The following CENPP variants were observed in gnomAD, a reference collection of about 807,000 sequenced individuals.
CENPP encodes the protein centromere protein P.
Under a neutral mutation model 35.6 loss-of-function variants are expected in CENPP, and 24 were observed. The observed-to-expected ratio is 0.67, with a 90% confidence interval of 0.49 to 0.95. The LOEUF (loss-of-function observed/expected upper bound fraction) is 0.95. CENPP is among the 40% of genes least tolerant of loss of function. The pLI, the probability that CENPP is intolerant of heterozygous loss-of-function variation, is 0.00. For synonymous variants in CENPP, 120 were observed against 125.5 expected (o/e 0.96, Z 0.29); for missense variants, 332 against 345.3 (o/e 0.96, Z 0.31).
intron 5 of CENPP, chr9:92,528,019 T>A (rs1848520657): frequency 6.5e-6 from 1 of 152,684 alleles, no homozygotes; most frequent in Non-Finnish European, 1.5e-5. Flanking sequence ...TTCAGACTTT[T>A]GGAGAGTCTG....
At chr9:92,572,728 A>G (rs933070308) in intron 5 of CENPP, among the ~76,000 whole-genome samples, 9 of 152,144 alleles carry the variant, frequency 5.9e-5, no homozygotes, top group Admixed American at 3.9e-4. Context: ...AGGTACACCA[A>G]TCAGATGTAG....
chr9:92,600,573 C>G (rs1850886152), intron 5 of CENPP: 3 of 1,608,900 alleles, frequency 1.9e-6, no homozygotes, highest in Non-Finnish European at 2.5e-6. Flanking sequence ...TGGCACAAGC[C>G]CTTGCGAGGG....
rs1245037376 is a variant in CENPP, at chr9:92,486,799, T to G, written c.564+106940T>G. 2.9e-5 allele frequency among the ~76,000 whole-genome samples: 4 copies of G among 139,408 alleles called. No individual in the cohort carries two copies. The South Asian group carries it at 8.7e-4, about 30-fold the overall frequency. The allele number at this position is 139,408 out of a possible 152,430, so 91.5% of individuals were successfully genotyped here. A position where few individuals can be genotyped will look rare whatever the true frequency, so the allele number is the denominator to read the frequency against. On this transcript the variant is annotated intron_variant, in intron 5 of 7. Transcript: ENST00000375587. Reference sequence around the variant, plus strand: ...ATGTGTCAATTTTTTTTTTTTTTTTTGAGACGGAGTCTTGCTCTGTCACCC... The same window carrying G: ...ATGTGTCAATTTTTTTTTTTTTTTTGGAGACGGAGTCTTGCTCTGTCACCC...
chr9:92,618,181 C>T lies in CENPP; in HGVS notation c.*5032C>T, dbSNP rs1195283886. On this transcript the variant is annotated 3_prime_UTR_variant, in exon 8 of 8. Coordinates refer to ENST00000375587, the MANE Select transcript of CENPP (RefSeq NM_001012267.3). ...CATGTTCTCGGAGGAGAAGCCTTCT[C>T]TGAGATCCTCTCCTTTTGTTGAGAA... 6 of 454,842 alleles carry T rather than the reference C, an allele frequency of 1.3e-5. No individual in the cohort carries two copies. Among genetic ancestry groups the T allele is most frequent in the Non-Finnish European group, 2.7e-5 (6 of 225,872 alleles). The allele number at this position is 454,842 out of a possible 1,614,324, so 28.2% of individuals were successfully genotyped here. A position where few individuals can be genotyped will look rare whatever the true frequency, so the allele number is the denominator to read the frequency against.
intron 5 of CENPP, among the ~76,000 whole-genome samples, chr9:92,387,554 C>G (rs1404211679): frequency 6.6e-6 from 1 of 152,012 alleles, no homozygotes; most frequent in Non-Finnish European, 1.5e-5. Context: ...ACCTTATCTT[C>G]AATATGTATC....
intron 5 of CENPP, among the ~76,000 whole-genome samples, chr9:92,551,615 C>T (rs1474542293): frequency 6.6e-6 from 1 of 151,674 alleles, no homozygotes; most frequent in Non-Finnish European, 1.5e-5. Flanking sequence ...TTTTGGTGTA[C>T]CCATCACCCA....
chr9:92,558,425 A>G (rs2131338405), intron 5 of CENPP, among the ~76,000 whole-genome samples: 2 of 152,272 alleles, frequency 1.3e-5, no homozygotes, highest in Middle Eastern at 6.8e-3. Flanking sequence ...GGGCCTAGCC[A>G]CCCAGTGAGT....
At chr9:92,384,753 T>G (rs1415175600) in intron 5 of CENPP, 1 of 152,112 alleles carries the variant, frequency 6.6e-6, no homozygotes, top group Non-Finnish European at 1.5e-5. Flanking sequence ...TGAACTAATT[T>G]ATTGATGAGA....
At chr9:92,415,072 A>G in intron 5 of CENPP, 2 of 1,070,676 alleles carry the variant, frequency 1.9e-6, no homozygotes, top group Non-Finnish European at 2.7e-6. Flanking sequence ...TATTACTTTG[A>G]GTAATACATG....
chr9:92,361,949 C>T (rs557167443), intron 4 of CENPP, among the ~76,000 whole-genome samples: 5 of 151,910 alleles, frequency 3.3e-5, no homozygotes, highest in Non-Finnish European at 7.4e-5. Flanking sequence ...TCTCCTTGAA[C>T]CTGGGGAGTG....
rs1353817300 is a variant in CENPP at position 92,611,354 on chromosome 9, C to T, written c.605C>T (p.Ser202Phe). Residue 202 changes from serine (S) to phenylalanine (F), a missense_variant, in exon 6 of 8, where the codon TCC becomes TTC. Physicochemically the swap from Ser to Phe is radical, Grantham distance 155. Transcript: ENST00000375587. ...GCCGTGTACCTCTCGGAGGGGCCCT[C>T]CTCCTGCTCCATGGGGATCCGCAGC... The part of the protein sequence containing the change: ...PDAVYLSEGP[S>F]SCSMGIRSAS... The T allele has an allele frequency of 6.8e-6, 11 of 1,613,602 alleles. No homozygotes were observed. Among genetic ancestry groups the T allele is most frequent in the Non-Finnish European group, 9.3e-6 (11 of 1,180,026 alleles).
In CENPP at chr9:92,619,404, C is replaced by A; in HGVS notation, c.*6255C>A. On this transcript the variant is annotated 3_prime_UTR_variant, in exon 8 of 8. Coordinates refer to ENST00000375587, the MANE Select transcript of CENPP (RefSeq NM_001012267.3). ...CATGGAGTCTCTAAATATGGGGAAA[C>A]CAACTATCCTATTAACAATTCACCA... The A allele has an allele frequency of 1.5e-5, 17 of 1,157,264 alleles. No homozygotes were observed. In the South Asian group the frequency reaches 2.2e-4, roughly 15 times the overall value. 71.7% of individuals were successfully genotyped at this position (1,157,264 alleles called of 1,614,324 possible). A position where few individuals can be genotyped will look rare whatever the true frequency, so the allele number is the denominator to read the frequency against.
intron 5 of CENPP, among the ~76,000 whole-genome samples, chr9:92,485,253 G>A (rs960332668): frequency 6.6e-6 from 1 of 152,276 alleles, no homozygotes; most frequent in South Asian, 2.1e-4. Context: ...TCCTAAAGGG[G>A]TCCTATGGAG....
intron 5 of CENPP, among the ~76,000 whole-genome samples, chr9:92,580,646 A>T (rs1404738421): frequency 6.6e-6 from 1 of 152,038 alleles, no homozygotes; most frequent in Non-Finnish European, 1.5e-5. Flanking sequence ...ATCGGTGGTG[A>T]TATCCCCTTT....
At chr9:92,546,504 C>T (rs1849455645) in intron 5 of CENPP, among the ~76,000 whole-genome samples, 1 of 152,174 alleles carries the variant, frequency 6.6e-6, no homozygotes, top group African/African-American at 2.4e-5. Context: ...AAAAGAACAA[C>T]TCCAGACGCA....
chr9:92,417,849 C>G lies in CENPP; in HGVS notation c.564+37990C>G, dbSNP rs988998033. On this transcript the variant is annotated intron_variant, in intron 5 of 7. Coordinates refer to ENST00000375587, the MANE Select transcript of CENPP (RefSeq NM_001012267.3). ...TCAAGCAATTCTCATGCCTCAGCCT[C>G]CCAAGTAGCTGGGACTACAGGTGCA... Among the ~76,000 whole-genome samples, 11 of 152,182 alleles carry G rather than the reference C, an allele frequency of 7.2e-5. No individual in the cohort carries two copies. The South Asian group carries it at 2.1e-3, about 29-fold the overall frequency.
chr9:92,602,370 G>T (rs574365435), intron 5 of CENPP, among the ~76,000 whole-genome samples: 21 of 152,320 alleles, frequency 1.4e-4, no homozygotes, highest in East Asian at 5.8e-4. Flanking sequence ...CCATCATAGG[G>T]TCTCAGACTC....
chr9:92,396,393 A>G (rs1240722684), intron 5 of CENPP, among the ~76,000 whole-genome samples: 1 of 151,936 alleles, frequency 6.6e-6, no homozygotes, highest in East Asian at 1.9e-4. Context: ...AAAAAAACCT[A>G]TTAGGATTTT....
chr9:92,486,347 T>C (rs190897726), intron 5 of CENPP, among the ~76,000 whole-genome samples: 1 of 152,202 alleles, frequency 6.6e-6, no homozygotes, highest in Non-Finnish European at 1.5e-5. Context: ...ACTAGGCACT[T>C]CGGTTTCTAA....
Sources: allele counts gnomAD v4.1 joint callset (sites outside exome capture counted in the v4.1 genomes callset), GRCh38; gene constraint gnomAD v4.1.1; transcripts MANE v1.5; gene names NCBI Gene and HGNC (gene_info 2026-07-23, HGNC 2026-07-21).